MAEA: variants seen among roughly 807,000 people sequenced by gnomAD.
MAEA encodes the protein macrophage erythroblast attacher, E3 ubiquitin ligase, also known as E3 ubiquitin-protein transferase MAEA.
In MAEA, 22 loss-of-function variants were observed where a neutral mutation model predicts 46.2. That is an observed-to-expected ratio of 0.48 (90% CI 0.34 to 0.68). The LOEUF is 0.68. Ranked by LOEUF, MAEA falls within the 30% of genes least tolerant of loss-of-function variation. The probability of loss-of-function intolerance (pLI) is 0.01; values close to 1 mark genes in which losing one functional copy is unlikely to be tolerated. For synonymous variants in MAEA, 246 were observed against 222.6 expected, an observed-to-expected ratio of 1.11 and a Z score of -0.94; for missense variants, 393 against 558.1, an observed-to-expected ratio of 0.70 and a Z score of 2.98.
At chr4:1,320,588 GAAATC>G (rs1458338539) in intron 3 of MAEA, among the ~76,000 whole-genome samples, 11 of 146,100 alleles carry the variant, frequency 7.5e-5, no homozygotes, top group Non-Finnish European at 1.2e-4. Flanking sequence ...CTTCAGAAAA[GAAATC>G]AAAGCAAACG....
At chr4:1,329,316 C>T (rs971983491) in intron 5 of MAEA, 6 of 985,126 alleles carry the variant, frequency 6.1e-6, no homozygotes, top group East Asian at 1.1e-4. Context: ...CCCCCCGCTC[C>T]GTGTAGGGTC....
Position 1,310,716 on chromosome 4 carries a change from C to T in MAEA, c.70-1263C>T, listed in dbSNP as rs1736386682. Among the ~76,000 whole-genome samples, 6 of 152,184 alleles carry T rather than the reference C, an allele frequency of 3.9e-5. No individual in the cohort carries two copies. The South Asian group carries it at 1.2e-3, about 32-fold the overall frequency. ...GTCACCCGCGGTGGGTCCACGTCGGCGCTGGGGGATGTCTGAGTGGAGGGC... is the reference window on the plus strand; with the variant it reads ...GTCACCCGCGGTGGGTCCACGTCGGTGCTGGGGGATGTCTGAGTGGAGGGC... On this transcript the variant is annotated intron_variant, in intron 1 of 8. Transcript: ENST00000303400.
chr4:1,315,795 C>T (rs1422748859), intron 3 of MAEA, among the ~76,000 whole-genome samples, 195 bp downstream of exon 3: 3 of 115,140 alleles, frequency 2.6e-5, no homozygotes, highest in Admixed American at 8.9e-5. Context: ...TGTGTGTCCC[C>T]CTCCCCGTGT....
chr4:1,323,451 G>T (rs1738404105), intron 4 of MAEA: 3 of 702,054 alleles, frequency 4.3e-6, no homozygotes, highest in South Asian at 1.5e-5. Context: ...GAGTTTGGCA[G>T]GGTGCACGCA....
intron 3 of MAEA, among the ~76,000 whole-genome samples, chr4:1,318,688 C>T (rs962613659): frequency 5.3e-5 from 8 of 152,068 alleles, no homozygotes; most frequent in Non-Finnish European, 1.0e-4. Flanking sequence ...CTGCTGTGGC[C>T]GAGGGGGAGC....
chr4:1,330,252 C>A, intron 5 of MAEA: 1 of 505,404 alleles, frequency 2.0e-6, no homozygotes, highest in Non-Finnish European at 2.5e-6. Flanking sequence ...TGCCGTCTGT[C>A]GCACACCCAC....
chr4:1,305,008 G>T (rs1577150457), intron 1 of MAEA, among the ~76,000 whole-genome samples: 1 of 152,058 alleles, frequency 6.6e-6, no homozygotes, highest in South Asian at 2.1e-4. Context: ...CAAAAAAGTT[G>T]TACTGATGTT....
chr4:1,327,405 G>A (rs1375559028), intron 4 of MAEA, among the ~76,000 whole-genome samples: 4 of 152,254 alleles, frequency 2.6e-5, no homozygotes, highest in Non-Finnish European at 5.9e-5. Flanking sequence ...GCAGCTGCAG[G>A]AGCAGGGGGC....
At chr4:1,297,803 T>C (rs1474166996) in intron 1 of MAEA, among the ~76,000 whole-genome samples, 1 of 152,260 alleles carries the variant, frequency 6.6e-6, no homozygotes, top group Admixed American at 6.5e-5. Context: ...CATCTCACTT[T>C]TGTCCACTTG....
At chr4:1,336,121 C>T (rs1712720224) in intron 6 of MAEA, among the ~76,000 whole-genome samples, 1 of 152,104 alleles carries the variant, frequency 6.6e-6, no homozygotes, top group Non-Finnish European at 1.5e-5. Flanking sequence ...AGTCAGCACT[C>T]ATCCCGCAGC....
At chr4:1,292,925 ACT>A in intron 1 of MAEA, among the ~76,000 whole-genome samples, 1 of 131,922 alleles carries the variant, frequency 7.6e-6, no homozygotes, top group Non-Finnish European at 1.6e-5. Context: ...ACGGAGTCTC[ACT>A]CTGTTGCCCA....
chr4:1,316,842 G>A (rs1040483157), intron 3 of MAEA, among the ~76,000 whole-genome samples: 2 of 151,938 alleles, frequency 1.3e-5, no homozygotes, highest in Non-Finnish European at 2.9e-5. Flanking sequence ...CCATCTGCAC[G>A]CCCTGCTGGC....
chr4:1,326,792 C>T (rs1738889157), intron 4 of MAEA, among the ~76,000 whole-genome samples: 1 of 152,256 alleles, frequency 6.6e-6, no homozygotes, highest in Non-Finnish European at 1.5e-5. Flanking sequence ...TTCCATGTGC[C>T]ACCCGCCTGG....
chr4:1,323,400 CT>C, intron 4 of MAEA: 1 of 672,598 alleles, frequency 1.5e-6, no homozygotes, highest in Admixed American at 2.2e-5. Flanking sequence ...CAAAACTTTT[CT>C]GTCTTCTAAA....
intron 4 of MAEA, chr4:1,323,469 G>A: frequency 2.8e-6 from 2 of 702,540 alleles, no homozygotes; most frequent in Non-Finnish European, 2.6e-6. Context: ...GCAGTTACCA[G>A]CCAGGAGTGA....
rs535094989 is a variant in MAEA, at chr4:1,322,163, G to A, written c.457-218G>A. Reference sequence around the variant, plus strand: ...TTGCCCGGCTATGGCTGCTGTCTACGTGAGCGTCCGACCTTTTGGTCCTTG... The same window carrying A: ...TTGCCCGGCTATGGCTGCTGTCTACATGAGCGTCCGACCTTTTGGTCCTTG... On this transcript the variant is annotated intron_variant, in intron 3 of 8. Coordinates refer to ENST00000303400, the MANE Select transcript of MAEA (RefSeq NM_001017405.3). 1.1e-4 allele frequency among the ~76,000 whole-genome samples: 16 copies of A among 152,268 alleles called. No individual in the cohort carries two copies. The East Asian group carries it at 2.1e-3, about 20-fold the overall frequency.
chr4:1,292,974 A>G (rs1257376335), intron 1 of MAEA, among the ~76,000 whole-genome samples: 1 of 147,538 alleles, frequency 6.8e-6, no homozygotes, highest in Non-Finnish European at 1.5e-5. Context: ...GCTCACTGCA[A>G]CCTCTGCCTC....
At chr4:1,310,207 C>G (rs1736316377) in intron 1 of MAEA, among the ~76,000 whole-genome samples, 1 of 152,140 alleles carries the variant, frequency 6.6e-6, no homozygotes, top group Non-Finnish European at 1.5e-5. Flanking sequence ...GTCCTGCAGG[C>G]CGGTGTCGGG....
At chr4:1,315,664 T>C in intron 3 of MAEA, 64 bp downstream of exon 3, 1 of 1,527,952 alleles carries the variant, frequency 6.5e-7, no homozygotes, top group East Asian at 2.3e-5. Context: ...CCAGCCGCCC[T>C]GTGGCATGTC....
Sources: allele counts gnomAD v4.1 joint callset (sites outside exome capture counted in the v4.1 genomes callset), GRCh38; gene constraint gnomAD v4.1.1; transcripts MANE v1.5; gene names NCBI Gene and HGNC (gene_info 2026-07-23, HGNC 2026-07-21).